The following HERC3 variants were observed in gnomAD, a reference collection of about 807,000 sequenced individuals.
HERC3 encodes the protein probable E3 ubiquitin-protein ligase HERC3.
A neutral mutation model predicts 129.9 loss-of-function variants in HERC3; 58 were observed. The observed-to-expected ratio is 0.45, with a 90% confidence interval of 0.36 to 0.56. The LOEUF (loss-of-function observed/expected upper bound fraction) is 0.56. Ranked by LOEUF, HERC3 falls within the 20% of genes least tolerant of loss-of-function variation. The pLI is 0.00. For synonymous variants in HERC3, 430 were observed against 451.0 expected (o/e 0.95, Z 0.59); for missense variants, 835 against 1,244.2 (o/e 0.67, Z 4.95).
chr4:88,704,586 T>C lies in HERC3; in HGVS notation c.2920T>C (p.Leu974=), dbSNP rs200047643. The C allele has an allele frequency of 4.4e-5, 70 of 1,602,348 alleles. No homozygotes were observed. Among genetic ancestry groups the C allele is most frequent in the South Asian group, 2.5e-4 (23 of 90,800 alleles). Residue 974 remains leucine (L), a synonymous_variant, in exon 25 of 26, where the codon TTG becomes CTG. Transcript: ENST00000402738. ...LFWETFHEFP[L]EKKKKFLLFL... The stretch of plus-strand genomic sequence containing the variant: ...TTGGGAAACATTTCATGAGTTTCCA[T>C]TGGAAAAGAAGAAGAAGTTTCTCTG...
intron 21 of HERC3, among the ~76,000 whole-genome samples, chr4:88,683,973 A>C (rs1407490605): frequency 6.6e-6 from 1 of 152,202 alleles, no homozygotes; most frequent in Admixed American, 6.5e-5. Flanking sequence ...ATAAGAGACA[A>C]CGCAAACAAA....
At chr4:88,697,944 C>CAGCCG in intron 23 of HERC3, 1 of 721,462 alleles carries the variant, frequency 1.4e-6, no homozygotes, top group South Asian at 2.0e-5. Flanking sequence ...CGGCCGTGTG[C>CAGCCG]TCATACTGCA....
intron 3 of HERC3, among the ~76,000 whole-genome samples, chr4:88,619,523 A>C (rs937886756): frequency 6.6e-6 from 1 of 152,206 alleles, no homozygotes; most frequent in Non-Finnish European, 1.5e-5. Flanking sequence ...AAAACTATAA[A>C]AATAATAGGA....
chr4:88,637,133 A>T (rs1293426926), intron 3 of HERC3, among the ~76,000 whole-genome samples: 4 of 148,284 alleles, frequency 2.7e-5, no homozygotes, highest in Admixed American at 2.7e-4. Flanking sequence ...CATCTCAAAA[A>T]CAAACAAACA....
At chr4:88,593,689 T>A (rs1250183855) in intron 1 of HERC3, among the ~76,000 whole-genome samples, 1 of 152,242 alleles carries the variant, frequency 6.6e-6, no homozygotes, top group Non-Finnish European at 1.5e-5. Context: ...GTATGTGTCT[T>A]CTGGCTCTTT....
intron 12 of HERC3, among the ~76,000 whole-genome samples, chr4:88,665,769 ATAAAGTCATT>A (rs1252879347): frequency 1.3e-5 from 2 of 152,230 alleles, no homozygotes; most frequent in Admixed American, 1.3e-4. Flanking sequence ...TTTAGAGATT[ATAAAGTCATT>A]TACTTTTATA....
the HERC3 span, among the ~76,000 whole-genome samples, chr4:88,553,024 T>C: frequency 5.3e-5 from 8 of 152,336 alleles, no homozygotes; most frequent in Non-Finnish European, 1.2e-4. Flanking sequence ...CCAAATGAAT[T>C]TTTCTCATGA....
the HERC3 span, among the ~76,000 whole-genome samples, chr4:88,575,964 T>C: frequency 3.9e-5 from 6 of 152,228 alleles, no homozygotes; most frequent in Non-Finnish European, 8.8e-5. Flanking sequence ...TTTTAGAGGA[T>C]GACCTTTATT....
intron 23 of HERC3, among the ~76,000 whole-genome samples, chr4:88,703,479 C>G (rs149364667): frequency 3.3e-5 from 5 of 152,266 alleles, no homozygotes; most frequent in African/African-American, 1.2e-4. Flanking sequence ...CACACCTTCA[C>G]CATATTGATA....
intron 2 of HERC3, among the ~76,000 whole-genome samples, chr4:88,598,376 A>C (rs1451473984): frequency 6.6e-6 from 1 of 152,172 alleles, no homozygotes; most frequent in East Asian, 1.9e-4. Flanking sequence ...ACACAAAAAA[A>C]CTTCCTCCTA....
At chr4:88,676,266 T>C in intron 17 of HERC3, 25 bp downstream of exon 17, 1 of 1,574,154 alleles carries the variant, frequency 6.4e-7, no homozygotes, top group South Asian at 1.1e-5. Context: ...TTAAATTTGC[T>C]TTTATATTTT....
At chr4:88,634,683 TG>T (rs1183395656) in intron 3 of HERC3, among the ~76,000 whole-genome samples, 1 of 147,840 alleles carries the variant, frequency 6.8e-6, no homozygotes, top group Non-Finnish European at 1.5e-5. Flanking sequence ...GCCACCCAAC[TG>T]GGTGAGACCC....
chr4:88,653,574 A>G (rs1729527377), intron 6 of HERC3, among the ~76,000 whole-genome samples: 1 of 152,178 alleles, frequency 6.6e-6, no homozygotes, highest in South Asian at 2.1e-4. Context: ...TGGTTTTCTC[A>G]GTGAGAGGGG....
intron 3 of HERC3, among the ~76,000 whole-genome samples, chr4:88,633,677 A>G (rs1727022470): frequency 6.6e-6 from 1 of 152,122 alleles, no homozygotes; most frequent in Non-Finnish European, 1.5e-5. Context: ...TATAGCAATG[A>G]TTATATTAAA....
intron 12 of HERC3, among the ~76,000 whole-genome samples, chr4:88,665,840 A>C (rs1183376481): frequency 6.6e-6 from 1 of 152,188 alleles, no homozygotes; most frequent in Non-Finnish European, 1.5e-5. Context: ...TTTAGTAATT[A>C]GTTTTTTCCT....
intron 1 of HERC3, among the ~76,000 whole-genome samples, chr4:88,595,100 C>CAAAAAAAAAAA (rs758727600): frequency 6.7e-5 from 4 of 60,082 alleles, no homozygotes; most frequent in African/African-American, 7.6e-5. Flanking sequence ...GACTCTGTCT[C>CAAAAAAAAAAA]AAAAAAAAAA....
intron 21 of HERC3, among the ~76,000 whole-genome samples, chr4:88,682,428 C>T (rs1320170414): frequency 6.6e-6 from 1 of 151,476 alleles, no homozygotes; most frequent in Non-Finnish European, 1.5e-5. Flanking sequence ...CCCATTAACT[C>T]GTCATTTAAC....
chr4:88,654,383 T>C (rs866112574), intron 7 of HERC3, among the ~76,000 whole-genome samples: 5,651 of 103,514 alleles, frequency 0.055, 167 homozygotes, highest in Middle Eastern at 0.14. Context: ...TATATATATA[T>C]ATATACACAC....
intron 13 of HERC3, 152 bp from the exon 14 acceptor site, chr4:88,667,740 A>T: frequency 1.5e-6 from 1 of 651,850 alleles, no homozygotes; most frequent in Non-Finnish European, 2.6e-6. Context: ...ATGTGTACTG[A>T]GGGCCTAGAC....
Sources: allele counts gnomAD v4.1 joint callset (sites outside exome capture counted in the v4.1 genomes callset), GRCh38; gene constraint gnomAD v4.1.1; transcripts MANE v1.5; gene names NCBI Gene and HGNC (gene_info 2026-07-23, HGNC 2026-07-21).